RAD51B: variants seen among roughly 807,000 people sequenced by gnomAD.
RAD51B encodes RAD51 paralog B, also known as DNA repair protein RAD51 homolog 2.
RAD51B carries 38 observed loss-of-function variants against 42.2 expected under a neutral mutation model. The observed-to-expected ratio is 0.90, with a 90% CI of 0.70 to 1.18. The LOEUF (loss-of-function observed/expected upper bound fraction) is 1.18. Among genes scored for constraint, RAD51B ranks in the 50% most tolerant of loss-of-function variants. The probability of loss-of-function intolerance (pLI) is 0.00; values close to 1 mark genes in which losing one functional copy is unlikely to be tolerated. For missense variants in RAD51B, 373 were observed against 400.7 expected, an observed-to-expected ratio of 0.93 and a Z score of 0.59; for synonymous variants, 154 against 145.2, an observed-to-expected ratio of 1.06 and a Z score of -0.43.
intron 10 of RAD51B, among the ~76,000 whole-genome samples, chr14:68,536,146 C>G (rs1221148614): frequency 6.6e-6 from 1 of 152,194 alleles, no homozygotes; most frequent in Non-Finnish European, 1.5e-5. Context: ...CCTGACATCT[C>G]CATTCTTTTT....
intron 7 of RAD51B, among the ~76,000 whole-genome samples, chr14:68,086,082 T>C (rs2076979293): frequency 6.6e-6 from 1 of 152,164 alleles, no homozygotes; most frequent in South Asian, 2.1e-4. Context: ...CTTGGTGTAA[T>C]GGAATAATTG....
intron 8 of RAD51B, among the ~76,000 whole-genome samples, chr14:68,344,725 A>G (rs890710102): frequency 7.2e-5 from 11 of 152,210 alleles, no homozygotes; most frequent in African/African-American, 2.6e-4. Context: ...AGGCAGGCAG[A>G]TCACGAGGTC....
intron 5 of RAD51B, among the ~76,000 whole-genome samples, chr14:67,871,285 A>G (rs1433488294): frequency 1.3e-5 from 2 of 152,140 alleles, no homozygotes; most frequent in Admixed American, 6.5e-5. Context: ...AATACAAACT[A>G]CCATCAGAGA....
chr14:68,595,257 A>G, exon 11 of RAD51B: 1 of 1,060,364 alleles, frequency 9.4e-7, no homozygotes, highest in Non-Finnish European at 1.1e-6. Context: ...ACATGCTTCC[A>G]GTTGCTTCTA....
chr14:68,311,655 G>A (rs180888838), intron 8 of RAD51B, among the ~76,000 whole-genome samples: 10 of 152,186 alleles, frequency 6.6e-5, no homozygotes, highest in Non-Finnish European at 8.8e-5. Context: ...TTGGGAGGCC[G>A]AGGCGGGTGG....
intron 7 of RAD51B, among the ~76,000 whole-genome samples, chr14:68,022,837 A>G (rs539438759): frequency 1.3e-5 from 2 of 151,598 alleles, no homozygotes. Context: ...TCTATTGTCT[A>G]TTTTCTTCGT....
At chr14:67,949,596 A>C (rs2074405570) in intron 7 of RAD51B, among the ~76,000 whole-genome samples, 1 of 152,174 alleles carries the variant, frequency 6.6e-6, no homozygotes, top group Non-Finnish European at 1.5e-5. Flanking sequence ...CAATGTTGGT[A>C]TTTTGACCTC....
At chr14:68,402,822 T>C (rs556336081) in intron 8 of RAD51B, among the ~76,000 whole-genome samples, 1 of 152,344 alleles carries the variant, frequency 6.6e-6, no homozygotes, top group East Asian at 1.9e-4. Flanking sequence ...GCAGGAACTA[T>C]TGAGGTCATT....
At chr14:68,558,347 G>A (rs1031639741) in intron 10 of RAD51B, among the ~76,000 whole-genome samples, 8 of 152,216 alleles carry the variant, frequency 5.3e-5, no homozygotes, top group Non-Finnish European at 1.2e-4. Flanking sequence ...CATTCCATTC[G>A]GCCACGAGAG....
chr14:68,376,259 G>C (rs1460554298), intron 8 of RAD51B, among the ~76,000 whole-genome samples: 1 of 151,974 alleles, frequency 6.6e-6, no homozygotes, highest in Non-Finnish European at 1.5e-5. Flanking sequence ...TTGTATCTAC[G>C]ACCTCATGAA....
At chr14:68,102,625 C>T (rs564006757) in intron 7 of RAD51B, among the ~76,000 whole-genome samples, 37 of 152,140 alleles carry the variant, frequency 2.4e-4, no homozygotes, top group Non-Finnish European at 5.1e-4. Context: ...TCAAACTTTC[C>T]CACATCTTCC....
intron 5 of RAD51B, among the ~76,000 whole-genome samples, chr14:67,871,133 T>C (rs1014634244): frequency 3.3e-5 from 5 of 152,048 alleles, no homozygotes; most frequent in African/African-American, 9.7e-5. Flanking sequence ...CTTCAAAAAA[T>C]TGATGAATCC....
At chr14:68,524,146 A>G (rs1358560502) in intron 10 of RAD51B, among the ~76,000 whole-genome samples, 1 of 152,214 alleles carries the variant, frequency 6.6e-6, no homozygotes, top group Non-Finnish European at 1.5e-5. Context: ...TATTGCAGAC[A>G]AGGACATTGA....
At chr14:68,537,109 AAG>A (rs1352246888) in intron 10 of RAD51B, among the ~76,000 whole-genome samples, 1 of 150,284 alleles carries the variant, frequency 6.7e-6, no homozygotes, top group Non-Finnish European at 1.5e-5. Context: ...AAAAAAAAAA[AAG>A]GCACCCAAAA....
At chr14:67,941,108 G>A (rs2045190986) in intron 7 of RAD51B, among the ~76,000 whole-genome samples, 1 of 152,160 alleles carries the variant, frequency 6.6e-6, no homozygotes, top group African/African-American at 2.4e-5. Flanking sequence ...AAGTAGGAGG[G>A]AAGTATTTTT....
rs148310539 is a variant in RAD51B at position 68,655,673 on chromosome 14, C to T, written c.*11+4817C>T. Among the ~76,000 whole-genome samples the T allele has an allele frequency of 1.5e-3, 231 of 152,298 alleles. 1 individual carries two copies. Among genetic ancestry groups the T allele is most frequent in the African/African-American group, 5.1e-3 (214 of 41,580 alleles). On this transcript the variant is annotated intron_variant, in intron 11 of 11. Transcript: ENST00000488612. ...AGGGCCTGCCAGGGACGCCCACCCG[C>T]GGGGCACTCTGGCATACATCTCGGA...
intron 7 of RAD51B, among the ~76,000 whole-genome samples, chr14:68,059,597 A>G (rs560666546): frequency 7.2e-5 from 11 of 152,290 alleles, no homozygotes; most frequent in African/African-American, 2.4e-4. Context: ...GTGGAATTCT[A>G]CTTTTTAAAA....
chr14:67,982,881 T>C (rs1005914983), intron 7 of RAD51B, among the ~76,000 whole-genome samples: 1 of 151,892 alleles, frequency 6.6e-6, no homozygotes. Flanking sequence ...CCAGGCAACA[T>C]AGTGAGACAC....
intron 10 of RAD51B, among the ~76,000 whole-genome samples, chr14:68,473,047 C>T (rs77215733): frequency 0.041 from 6,246 of 152,234 alleles, 397 homozygotes; most frequent in African/African-American, 0.14. Context: ...AATGTCCCCC[C>T]AAATACCACC....
Sources: gnomAD v4.1 joint callset for allele counts (sites outside exome capture counted in the v4.1 genomes callset) on GRCh38, gnomAD v4.1.1 for gene constraint, MANE v1.5 for transcripts, NCBI Gene and HGNC (gene_info 2026-07-23, HGNC 2026-07-21) for gene names.